OSTM1: variants seen among roughly 807,000 people sequenced by gnomAD.
The protein encoded by OSTM1 is osteopetrosis-associated transmembrane protein 1.
Under a neutral mutation model 35.4 loss-of-function variants are expected in OSTM1, and 26 were observed. The ratio of observed to expected loss-of-function variants is 0.73; its 90% CI spans 0.54 to 1.02. OSTM1 has a LOEUF of 1.02. Among genes scored for constraint, OSTM1 ranks in the 50% least tolerant of loss-of-function variants. The pLI is 0.00. For synonymous variants in OSTM1, 181 were observed against 165.0 expected, an observed-to-expected ratio of 1.10 and a Z score of -0.75; for missense variants, 366 against 409.6, an observed-to-expected ratio of 0.89 and a Z score of 0.92.
At chr6:108,058,126 T>C (rs900532075) in intron 2 of OSTM1, among the ~76,000 whole-genome samples, 12 of 149,930 alleles carry the variant, frequency 8.0e-5, no homozygotes, top group South Asian at 2.1e-4. Context: ...TCTCAGCTCA[T>C]TGCAGCCTCC....
rs988540772 is a variant in OSTM1, at chr6:108,051,869, C to T, written c.616-671G>A. On this transcript the variant is annotated intron_variant, in intron 3 of 5. Transcript: ENST00000193322. ...TCAATATTTTGTACTTCTAGACTGA[C>T]ACTTGTCTTTTCAAGAATAAGTTTG... Among the ~76,000 whole-genome samples the T allele has an allele frequency of 4.6e-5, 7 of 152,218 alleles. No homozygotes were observed. In the South Asian group the frequency reaches 1.2e-3, roughly 27 times the overall value.
intron 5 of OSTM1, among the ~76,000 whole-genome samples, chr6:108,045,905 G>A (rs1188679148): frequency 6.6e-6 from 1 of 152,150 alleles, no homozygotes; most frequent in Non-Finnish European, 1.5e-5. Flanking sequence ...GCTCTGCAAT[G>A]GGACCCTAGT....
chr6:108,052,155 C>T (rs1438108473), intron 3 of OSTM1, among the ~76,000 whole-genome samples: 6 of 152,118 alleles, frequency 3.9e-5, no homozygotes, highest in Admixed American at 2.0e-4. Context: ...GAGCACAGGG[C>T]TGGGCGCGAT....
intron 1 of OSTM1, among the ~76,000 whole-genome samples, chr6:108,067,153 C>A (rs1170359550): frequency 2.0e-5 from 3 of 147,082 alleles, no homozygotes; most frequent in Admixed American, 7.3e-5. Context: ...TATTTCAAAT[C>A]CTCTCCACTC....
At chr6:108,053,099 A>G (rs1053445360) in intron 3 of OSTM1, among the ~76,000 whole-genome samples, 2 of 152,222 alleles carry the variant, frequency 1.3e-5, no homozygotes, top group African/African-American at 4.8e-5. Context: ...ATTCCCTAAT[A>G]AACTCATCAT....
At chr6:108,047,877 T>TA (rs1341159655) in intron 5 of OSTM1, among the ~76,000 whole-genome samples, 3 of 152,230 alleles carry the variant, frequency 2.0e-5, no homozygotes, top group Admixed American at 1.3e-4. Context: ...TCCATAAAGT[T>TA]AAATAGATTA....
At chr6:108,070,074 G>C (rs9486794) in intron 1 of OSTM1, among the ~76,000 whole-genome samples, 11,998 of 151,588 alleles carry the variant, frequency 0.079, 844 homozygotes, top group East Asian at 0.23. Flanking sequence ...GTCTTGCTCT[G>C]TCACCCAGGC....
At chr6:108,062,672 G>A (rs1452457149) in intron 2 of OSTM1, among the ~76,000 whole-genome samples, 2 of 151,538 alleles carry the variant, frequency 1.3e-5, no homozygotes, top group East Asian at 3.9e-4. Flanking sequence ...GGGACTACAG[G>A]CACATGCCAC....
chr6:108,059,855 T>A (rs553091378), intron 2 of OSTM1, among the ~76,000 whole-genome samples: 2 of 152,206 alleles, frequency 1.3e-5, no homozygotes. Context: ...TGATGAATGA[T>A]GATAATTTTT....
intron 2 of OSTM1, among the ~76,000 whole-genome samples, chr6:108,057,075 A>C (rs1772181953): frequency 6.6e-6 from 1 of 152,138 alleles, no homozygotes; most frequent in African/African-American, 2.4e-5. Flanking sequence ...CAAATAATAC[A>C]AAATTAGCCA....
rs1034355304 is a variant in OSTM1 at position 108,044,685 on chromosome 6, G to C, written c.*100C>G. On this transcript the variant is annotated 3_prime_UTR_variant, in exon 6 of 6. Coordinates refer to ENST00000193322, the MANE Select transcript of OSTM1 (RefSeq NM_014028.4). The stretch of plus-strand genomic sequence containing the variant: ...GATCTGAAGTCCTTGTATTTCTTAA[G>C]AGCTTGACTTGTCAAATCACAGTTT... 8 of 716,530 alleles carry C rather than the reference G, an allele frequency of 1.1e-5. No homozygotes were observed. Among genetic ancestry groups the C allele is most frequent in the Admixed American group, 1.9e-5 (1 of 52,058 alleles). The allele number at this position is 716,530 out of a possible 1,614,324, so 44.4% of individuals were successfully genotyped here. A position where few individuals can be genotyped will look rare whatever the true frequency, so the allele number is the denominator to read the frequency against.
intron 1 of OSTM1, among the ~76,000 whole-genome samples, chr6:108,071,357 G>C (rs1033638617): frequency 3.3e-5 from 5 of 151,164 alleles, no homozygotes; most frequent in Non-Finnish European, 7.4e-5. Flanking sequence ...CCAGGTTGGA[G>C]AGTGGTGGCA....
At chr6:108,054,948 C>T (rs11963336) in intron 2 of OSTM1, among the ~76,000 whole-genome samples, 32,217 of 152,130 alleles carry the variant, frequency 0.21, 3,612 homozygotes, top group East Asian at 0.25. Flanking sequence ...TTTACCGAAA[C>T]TCATATGCCT....
chr6:108,049,269 T>C lies in OSTM1; in HGVS notation c.933A>G (p.Lys311=), dbSNP rs146289365. The part of the protein sequence containing the change: ...LSSFLHSEQK[K]RKLILPKRLK... ...AAAACTTACGCAGAATGAGTTTGCGTTTCTTTTGCTCTGAGTGAAGAAAGC... is the reference window on the plus strand; with the variant it reads ...AAAACTTACGCAGAATGAGTTTGCGCTTCTTTTGCTCTGAGTGAAGAAAGC... Residue 311 remains lysine (K), a synonymous_variant, in exon 5 of 6, where the codon AAA becomes AAG. Coordinates refer to ENST00000193322, the MANE Select transcript of OSTM1 (RefSeq NM_014028.4). 8.6e-5 allele frequency: 138 copies of C among 1,611,970 alleles called. 1 individual carries two copies. In the African/African-American group the frequency reaches 1.4e-3, roughly 17 times the overall value.
In OSTM1 at chr6:108,041,850, G is replaced by C. The variant is rs919687669; in HGVS notation, c.*2935C>G. The C allele has an allele frequency of 6.6e-6, 1 of 152,186 alleles. No homozygotes were observed. The highest frequency in any genetic ancestry group is 1.5e-5 in the Non-Finnish European group (1 of 68,026). 9.4% of individuals were successfully genotyped at this position (152,186 alleles called of 1,614,324 possible). On this transcript the variant is annotated 3_prime_UTR_variant, in exon 6 of 6. Coordinates refer to ENST00000193322, the MANE Select transcript of OSTM1 (RefSeq NM_014028.4). Reference sequence around the variant, plus strand: ...ATCCAGCTCTGGGAATCTATCATCAGATGGCCTCTAAGGTTTCTTCTAGCT... The same window carrying C: ...ATCCAGCTCTGGGAATCTATCATCACATGGCCTCTAAGGTTTCTTCTAGCT...
At chr6:108,049,670 G>T in intron 4 of OSTM1, 1 of 608,578 alleles carries the variant, frequency 1.6e-6, no homozygotes, top group Non-Finnish European at 2.4e-6. Flanking sequence ...AAGTATTCTA[G>T]AATGTCAACC....
chr6:108,065,126 T>A (rs1562375326), intron 1 of OSTM1, among the ~76,000 whole-genome samples: 1 of 152,098 alleles, frequency 6.6e-6, no homozygotes. Context: ...CCCAAAGTGC[T>A]GGGATTATAG....
rs550926213 is a variant in OSTM1, at chr6:108,053,710, C to A, written c.615+780G>T. Among the ~76,000 whole-genome samples the A allele has an allele frequency of 9.9e-5, 15 of 152,272 alleles. No individual in the cohort carries two copies. In the South Asian group the frequency reaches 2.5e-3, roughly 25 times the overall value. On this transcript the variant is annotated intron_variant, in intron 3 of 5. Transcript: ENST00000193322. Reference sequence around the variant, plus strand: ...CGAACTCCTGACCTCAAGTGACCTGCCTGCCTTGGCCTCCCAAGGTGCTGG... The same window carrying A: ...CGAACTCCTGACCTCAAGTGACCTGACTGCCTTGGCCTCCCAAGGTGCTGG...
rs141461999 is a variant in OSTM1 at position 108,066,355 on chromosome 6, C to T, written c.403-2056G>A. On this transcript the variant is annotated intron_variant, in intron 1 of 5. Transcript: ENST00000193322. ...ACGATGATGAGGTACTTACTACTTA[C>T]CAGTTCCAAATGTTCCAACTTCCTT... Among the ~76,000 whole-genome samples the T allele has an allele frequency of 2.0e-5, 3 of 148,222 alleles. No individual in the cohort carries two copies. The Admixed American group carries it at 2.1e-4, about 11-fold the overall frequency.
Sources: gnomAD v4.1 joint callset for allele counts (sites outside exome capture counted in the v4.1 genomes callset) on GRCh38, gnomAD v4.1.1 for gene constraint, MANE v1.5 for transcripts, NCBI Gene and HGNC (gene_info 2026-07-23, HGNC 2026-07-21) for gene names.